DUOX2: variants seen among roughly 807,000 people sequenced by gnomAD.
The protein encoded by DUOX2 is dual oxidase 2, also known as NADH/NADPH thyroid oxidase p138-tox.
A neutral mutation model predicts 183.3 loss-of-function variants in DUOX2; 185 were observed. The ratio of observed to expected loss-of-function variants is 1.01; its 90% CI spans 0.90 to 1.14. The LOEUF (loss-of-function observed/expected upper bound fraction) is 1.14, where lower values mean the gene tolerates loss of function less well. Among genes scored for constraint, DUOX2 ranks in the 50% most tolerant of loss-of-function variants. The pLI, the probability that DUOX2 is intolerant of heterozygous loss-of-function variation, is 0.00. For synonymous variants in DUOX2, 788 were observed against 812.4 expected, an observed-to-expected ratio of 0.97 and a Z score of 0.51; for missense variants, 1,999 against 2,022.9, an observed-to-expected ratio of 0.99 and a Z score of 0.23.
intron 9 of DUOX2, 148 bp from the exon 10 acceptor site, chr15:45,110,128 C>A: frequency 1.2e-6 from 1 of 807,800 alleles, no homozygotes; most frequent in Non-Finnish European, 2.1e-6. Flanking sequence ...TGGTGATGTG[C>A]GTTTACTGAA....
chr15:45,108,749 G>A, intron 12 of DUOX2, 40 bp downstream of exon 12: 1 of 1,606,114 alleles, frequency 6.2e-7, no homozygotes, highest in South Asian at 1.1e-5. Flanking sequence ...ATTGCCATAG[G>A]AAAGCTTTAG....
At chr15:45,094,361 T>A (rs939101372) in intron 33 of DUOX2, 89 bp from the exon 34 acceptor site, 4 of 1,595,618 alleles carry the variant, frequency 2.5e-6, no homozygotes, top group African/African-American at 1.3e-5. Flanking sequence ...CTGGCTGGAA[T>A]GACTAAGGCT....
At position 45,101,807 on chromosome 15, in the gene DUOX2, C is replaced by T. The variant is rs1238716178; in HGVS notation, c.2837G>A (p.Gly946Asp). Reference sequence around the variant, plus strand: ...CACACACTCACCATTTCCACCTCCACCTCCACCTTTGACACAGAGCTGCGT... The same window carrying T: ...CACACACTCACCATTTCCACCTCCATCTCCACCTTTGACACAGAGCTGCGT... ...RFTQLCVKGG[G>D]GGGNGIRDIF... Residue 946 changes from glycine (G) to aspartate (D), a missense_variant, in exon 21 of 34, where the codon GGT becomes GAT. By Grantham distance (94) the Gly-to-Asp change is moderately conservative. Transcript: ENST00000389039. 10 of 1,614,106 alleles carry T rather than the reference C, an allele frequency of 6.2e-6. No homozygotes were observed. Among genetic ancestry groups the T allele is most frequent in the African/African-American group, 1.3e-5 (1 of 74,936 alleles).
intron 11 of DUOX2, chr15:45,109,259 C>T: frequency 1.7e-6 from 1 of 598,694 alleles, no homozygotes; most frequent in South Asian, 2.0e-5. Context: ...CTTTAGAGAC[C>T]TAATTAAGCA....
chr15:45,095,789 T>C, intron 30 of DUOX2, 39 bp downstream of exon 30: 1 of 1,592,392 alleles, frequency 6.3e-7, no homozygotes, highest in South Asian at 1.1e-5. Flanking sequence ...CCTCTGCCAG[T>C]GCCAGAGGCC....
In DUOX2 at chr15:45,112,972, G is replaced by C. The variant is rs767286943; in HGVS notation, c.160+15C>G. The stretch of plus-strand genomic sequence containing the variant: ...CGAGCCACGGCCCCAGCACGCCCGG[G>C]CCCCCAGAACGCACCAACAGCACCA... On this transcript the variant is annotated intron_variant, in intron 3 of 33. Transcript: ENST00000389039. The C allele has an allele frequency of 2.4e-5, 39 of 1,612,542 alleles. No individual in the cohort carries two copies. Among genetic ancestry groups the C allele is most frequent in the Non-Finnish European group, 3.1e-5 (37 of 1,179,448 alleles).
In DUOX2 at chr15:45,109,962, GAA is replaced by G. The variant is rs1440661352; in HGVS notation, c.1057_1058del (p.Phe353ProfsTer36). 5 of 1,613,968 alleles carry G rather than the reference GAA, an allele frequency of 3.1e-6. No homozygotes were observed. Among genetic ancestry groups the G allele is most frequent in the Non-Finnish European group, 4.2e-6 (5 of 1,180,024 alleles). On this transcript the variant is annotated frameshift_variant, in exon 10 of 34. Transcript: ENST00000389039. LOFTEE classifies it high-confidence loss of function. ...GAAAACCCTTGTTCAGGACCTTCCG[GAA>G]ATGACAGCTGGCATTTCTGAAATTG... The part of the protein sequence containing the change: ...GVYMRNASCH[F>X]RKVLNKGFQS...
At chr15:45,105,969 G>A in intron 17 of DUOX2, 141 bp from the exon 18 acceptor site, 2 of 1,381,840 alleles carry the variant, frequency 1.4e-6, no homozygotes, top group Admixed American at 2.0e-5. Context: ...TGTGGACGAA[G>A]GGGGTCAGGT....
Position 45,101,818 on chromosome 15 carries a change from GAC to G in DUOX2, c.2824_2825del (p.Val942GlnfsTer11). On this transcript the variant is annotated frameshift_variant, in exon 21 of 34. Transcript: ENST00000389039. LOFTEE classifies it high-confidence loss of function. ...CATTTCCACCTCCACCTCCACCTTT[GAC>G]ACAGAGCTGCGTGAAGCGGAGCTCG... ...DSELRFTQLC[V>X]KGGGGGGNGI... The G allele has an allele frequency of 6.2e-7, 1 of 1,614,176 alleles. No homozygotes were observed. The highest frequency in any genetic ancestry group is 1.1e-5 in the South Asian group (1 of 91,082).
chr15:45,109,872 C>T lies in DUOX2; in HGVS notation c.1131+18G>A, dbSNP rs1412178418. On this transcript the variant is annotated intron_variant, in intron 10 of 33. Transcript: ENST00000389039. ...CTGACCTTGACCCATCTTCCCCTGA[C>T]CCTGACCCCAGTCTGACCTCCCGAA... 33 of 1,613,220 alleles carry T rather than the reference C, an allele frequency of 2.0e-5. No individual in the cohort carries two copies. Among genetic ancestry groups the T allele is most frequent in the Middle Eastern group, 1.6e-4 (1 of 6,076 alleles).
intron 4 of DUOX2, 122 bp from the exon 5 acceptor site, chr15:45,112,077 C>G: frequency 8.2e-7 from 1 of 1,213,938 alleles, no homozygotes; most frequent in Admixed American, 2.1e-5. Context: ...GCTCCGCCAC[C>G]AGCTCTGCAC....
chr15:45,113,484 C>G (rs1894511152), intron 1 of DUOX2, 59 bp from the exon 2 acceptor site: 4 of 1,327,610 alleles, frequency 3.0e-6, no homozygotes, highest in Non-Finnish European at 4.2e-6. Context: ...AGGGCGTCCT[C>G]TATGCCTCCC....
intron 4 of DUOX2, 70 bp downstream of exon 4, chr15:45,112,484 G>A (rs1198394952): frequency 1.3e-6 from 2 of 1,582,202 alleles, no homozygotes; most frequent in Non-Finnish European, 1.7e-6. Context: ...CTCGCAGACG[G>A]GATCTGGCCC....
chr15:45,095,478 C>A lies in DUOX2; in HGVS notation c.4198G>T (p.Val1400Phe). The A allele has an allele frequency of 6.2e-7, 1 of 1,614,238 alleles. No homozygotes were observed. The highest frequency in any genetic ancestry group is 8.5e-7 in the Non-Finnish European group (1 of 1,180,042). The change falls in exon 31 of 34, where the codon GTC becomes TTC. Residue 1400 changes from valine (V) to phenylalanine (F), a missense_variant. This residue lies in a region of DUOX2 where 1,628 missense variants were observed against 1,608.6 expected (regional missense o/e 1.01). Transcript: ENST00000389039. ...TPFASILKDL[V>F]FKSSLGSQML... ...TGGCTGCCCAAGGATGACTTGAAGA[C>A]CAGGTCTTTGAGGATGGAGGCAAAG...
Position 45,104,302 on chromosome 15 carries a change from C to G in DUOX2, c.2398G>C (p.Glu800Gln). The G allele has an allele frequency of 6.2e-7, 1 of 1,614,086 alleles. No individual in the cohort carries two copies. The highest frequency in any genetic ancestry group is 8.5e-7 in the Non-Finnish European group (1 of 1,180,008). Residue 800 changes from glutamate to glutamine, a missense_variant, in exon 19 of 34, where the codon GAG becomes CAG. Transcript: ENST00000389039. ...CTGCTCAGCTCGCAGGTCAGGGCCT[C>G]CCGCACCTTCTGGGAGGAGTCCAGG... is the stretch of plus-strand genomic sequence containing the variant. ...LPLDSSQKVR[E>Q]ALTCELSRAE...
At chr15:45,105,975 C>A in intron 17 of DUOX2, 147 bp from the exon 18 acceptor site, 1 of 1,368,202 alleles carries the variant, frequency 7.3e-7, no homozygotes, top group Non-Finnish European at 1.0e-6. Flanking sequence ...CGAAGGGGGT[C>A]AGGTTGTGTC....
intron 21 of DUOX2, 98 bp downstream of exon 21, chr15:45,101,695 A>G: frequency 6.6e-7 from 1 of 1,510,898 alleles, no homozygotes; most frequent in East Asian, 2.3e-5. Flanking sequence ...GGTACCAAGG[A>G]CTCAGAAAAG....
At chr15:45,096,856 C>T (rs916923137) in intron 29 of DUOX2, among the ~76,000 whole-genome samples, 1 of 152,210 alleles carries the variant, frequency 6.6e-6, no homozygotes, top group Non-Finnish European at 1.5e-5. Context: ...ACAACCCAGA[C>T]TGGCAATCTG....
rs760385737 is a variant in DUOX2 at position 45,108,812 on chromosome 15, G to C, written c.1375C>G (p.Leu459Val). ...GLDIPRNWSDLNPNVDPQVLE... is the reference protein window; with the variant it reads ...GLDIPRNWSDVNPNVDPQVLE... ...ACCTGGGGGTCCACATTAGGGTTGA[G>C]ATCACTCCAGTTCCTTGGGATGTCC... Residue 459 changes from leucine to valine, a missense_variant, in exon 12 of 34, where the codon CTC becomes GTC. Physicochemically the swap from Leu to Val is conservative, Grantham distance 32. Transcript: ENST00000389039. 1.9e-6 allele frequency: 3 copies of C among 1,614,222 alleles called. No homozygotes were observed. The highest frequency in any genetic ancestry group is 2.5e-6 in the Non-Finnish European group (3 of 1,180,046).
Sources: gnomAD v4.1 joint callset for allele counts (sites outside exome capture counted in the v4.1 genomes callset) on GRCh38, gnomAD v4.1.1 for gene constraint, gnomAD v4.1.1 regional missense constraint, MANE v1.5 for transcripts, NCBI Gene and HGNC (gene_info 2026-07-23, HGNC 2026-07-21) for gene names.